Variants in RNF180 observed in about 807,000 individuals in gnomAD.
RNF180 encodes ring finger protein 180, also known as E3 ubiquitin-protein ligase RNF180.
Under a neutral mutation model 59.2 loss-of-function variants are expected in RNF180, and 38 were observed. The observed-to-expected ratio is 0.64, with a 90% CI of 0.50 to 0.84. RNF180 has a LOEUF of 0.84. RNF180 is among the 40% of genes least tolerant of loss of function. The pLI, the probability that RNF180 is intolerant of heterozygous loss-of-function variation, is 0.00. For synonymous variants in RNF180, 262 were observed against 240.3 expected (o/e 1.09, Z -0.84); for missense variants, 705 against 700.9 (o/e 1.01, Z -0.07).
Position 64,213,880 on chromosome 5 carries a change from A to T in RNF180, c.554A>T (p.Glu185Val), listed in dbSNP as rs779685935. The change falls in exon 4 of 8, where the codon GAG (glutamate) becomes GTG (valine). Residue 185 changes from glutamate to valine, a missense_variant. By Grantham distance (121) the Glu-to-Val change is moderately radical (BLOSUM62 -2). Coordinates refer to ENST00000389100, the MANE Select transcript of RNF180 (RefSeq NM_001113561.2). ...AGATTAACAGAAGCACTCTGCCTGG[A>T]GGTGCGACCAACATATTTTGAGATG... ...PGRLTEALCLEVRPTYFEMKN... is the reference protein window; with the variant it reads ...PGRLTEALCLVVRPTYFEMKN... The T allele has an allele frequency of 2.5e-6, 4 of 1,613,998 alleles. No individual in the cohort carries two copies. In the African/African-American group the frequency reaches 5.3e-5, roughly 22 times the overall value.
chr5:64,319,373 A>G (rs1053629221), intron 5 of RNF180, among the ~76,000 whole-genome samples: 1 of 152,246 alleles, frequency 6.6e-6, no homozygotes, highest in Admixed American at 6.5e-5. Flanking sequence ...GATGTACTAT[A>G]CATTATACTA....
At chr5:64,189,522 C>T in intron 1 of RNF180, among the ~76,000 whole-genome samples, 1 of 152,058 alleles carries the variant, frequency 6.6e-6, no homozygotes, top group Non-Finnish European at 1.5e-5. Context: ...TATTCTAGTG[C>T]TTTGTGGAAG....
intron 5 of RNF180, among the ~76,000 whole-genome samples, chr5:64,221,689 A>G (rs1481963734): frequency 6.6e-6 from 1 of 152,188 alleles, no homozygotes; most frequent in African/African-American, 2.4e-5. Flanking sequence ...ATGATTGATA[A>G]TGCCTTTACC....
At chr5:64,262,485 G>A (rs1051837454) in intron 5 of RNF180, among the ~76,000 whole-genome samples, 5 of 152,062 alleles carry the variant, frequency 3.3e-5, no homozygotes, top group East Asian at 1.9e-4. Context: ...TTGATCACCC[G>A]TCTCTTTTAC....
chr5:64,329,033 T>C (rs1744777224), intron 6 of RNF180, among the ~76,000 whole-genome samples: 1 of 152,232 alleles, frequency 6.6e-6, no homozygotes, highest in South Asian at 2.1e-4. Flanking sequence ...TGTTCTCCAG[T>C]TGGTCTGTGT....
intron 5 of RNF180, among the ~76,000 whole-genome samples, chr5:64,306,149 A>C (rs1743439444): frequency 6.6e-6 from 1 of 151,712 alleles, no homozygotes; most frequent in Non-Finnish European, 1.5e-5. Flanking sequence ...AAAAGAGCTA[A>C]GCTAAATAAA....
At chr5:64,322,160 G>T (rs985797960) in intron 5 of RNF180, among the ~76,000 whole-genome samples, 1 of 152,056 alleles carries the variant, frequency 6.6e-6, no homozygotes, top group Admixed American at 6.5e-5. Flanking sequence ...TGATAAATAG[G>T]ATCTAATTAA....
At chr5:64,259,909 A>C in intron 5 of RNF180, among the ~76,000 whole-genome samples, 1 of 152,160 alleles carries the variant, frequency 6.6e-6, no homozygotes, top group South Asian at 2.1e-4. Context: ...CAACAAGAGC[A>C]AAACTCCGTC....
Position 64,198,764 on chromosome 5 carries a change from G to A in RNF180, c.1-2044G>A, listed in dbSNP as rs541440302. ...GAAGAATACTAAAGAAGTTAAGTGT[G>A]TTCGTGCTTCAACAATGAAGAAAGG... On this transcript the variant is annotated intron_variant, in intron 1 of 7. Coordinates refer to ENST00000389100, the MANE Select transcript of RNF180 (RefSeq NM_001113561.2). Among the ~76,000 whole-genome samples, 12 of 152,248 alleles carry A rather than the reference G, an allele frequency of 7.9e-5. No homozygotes were observed. The East Asian group carries it at 1.7e-3, about 22-fold the overall frequency.
At chr5:64,265,141 G>T (rs1370107685) in intron 5 of RNF180, among the ~76,000 whole-genome samples, 1 of 151,934 alleles carries the variant, frequency 6.6e-6, no homozygotes, top group Admixed American at 6.6e-5. Context: ...CTGTCAGATG[G>T]GTAGATTGCA....
At chr5:64,337,288 C>T (rs1397421131) in intron 7 of RNF180, among the ~76,000 whole-genome samples, 1 of 152,096 alleles carries the variant, frequency 6.6e-6, no homozygotes, top group Non-Finnish European at 1.5e-5. Context: ...GGATTACAGG[C>T]ATGAGCCACC....
At chr5:64,173,411 AT>A (rs1158244737) in intron 1 of RNF180, among the ~76,000 whole-genome samples, 1 of 152,160 alleles carries the variant, frequency 6.6e-6, no homozygotes, top group Non-Finnish European at 1.5e-5. Flanking sequence ...ATACATGTAT[AT>A]GTTGTATGAT....
chr5:64,339,631 G>C (rs1339183860), intron 7 of RNF180, among the ~76,000 whole-genome samples: 1 of 151,820 alleles, frequency 6.6e-6, no homozygotes, highest in African/African-American at 2.4e-5. Context: ...GGTGGAAAGG[G>C]GGATCTTATG....
At chr5:64,243,306 C>T (rs553114015) in intron 5 of RNF180, among the ~76,000 whole-genome samples, 74 of 152,276 alleles carry the variant, frequency 4.9e-4, no homozygotes, top group African/African-American at 1.7e-3. Context: ...GTGGATCCCA[C>T]CCCCATGGAG....
intron 5 of RNF180, among the ~76,000 whole-genome samples, chr5:64,226,401 T>G (rs962022514): frequency 6.6e-6 from 1 of 152,208 alleles, no homozygotes; most frequent in Non-Finnish European, 1.5e-5. Context: ...CTGTGTCAAC[T>G]CAGGGTTAAA....
At chr5:64,302,252 G>A (rs1239418388) in intron 5 of RNF180, among the ~76,000 whole-genome samples, 3 of 151,604 alleles carry the variant, frequency 2.0e-5, no homozygotes, top group Non-Finnish European at 3.0e-5. Context: ...GCACACAAAA[G>A]TCGCTGGTCA....
Position 64,215,868 on chromosome 5 carries a change from A to T in RNF180, c.1191+1351A>T, listed in dbSNP as rs182245429. ...TATATGCAGATAACATCTGCAATTT[A>T]AAAATGTGTTTAATTCTTAGGCTAG... On this transcript the variant is annotated intron_variant, in intron 4 of 7. Coordinates refer to ENST00000389100, the MANE Select transcript of RNF180 (RefSeq NM_001113561.2). 6.5e-3 allele frequency among the ~76,000 whole-genome samples: 984 copies of T among 152,312 alleles called. 16 individuals carry two copies. The highest frequency in any genetic ancestry group is 6.1e-3 in the Non-Finnish European group (417 of 67,996).
chr5:64,230,209 T>A (rs551142744), intron 5 of RNF180, among the ~76,000 whole-genome samples: 9 of 152,238 alleles, frequency 5.9e-5, no homozygotes, highest in Non-Finnish European at 1.2e-4. Flanking sequence ...ACTAGCACTC[T>A]CTGTGTACTT....
At position 64,213,877 on chromosome 5, in the gene RNF180, T is replaced by A; in HGVS notation, c.551T>A (p.Leu184Gln). The change falls in exon 4 of 8, where the codon CTG becomes CAG. Residue 184 changes from leucine (L) to glutamine (Q), a missense_variant. Leu to Gln is a moderately radical substitution (Grantham distance 113). Coordinates refer to ENST00000389100, the MANE Select transcript of RNF180 (RefSeq NM_001113561.2). ...GGAAGATTAACAGAAGCACTCTGCC[T>A]GGAGGTGCGACCAACATATTTTGAG... ...DPGRLTEALCLEVRPTYFEMK... is the reference protein window; with the variant it reads ...DPGRLTEALCQEVRPTYFEMK... 2 of 1,614,120 alleles carry A rather than the reference T, an allele frequency of 1.2e-6. No individual in the cohort carries two copies. Among genetic ancestry groups the A allele is most frequent in the African/African-American group, 2.7e-5 (2 of 75,056 alleles).
Sources: allele counts gnomAD v4.1 joint callset (sites outside exome capture counted in the v4.1 genomes callset), GRCh38; gene constraint gnomAD v4.1.1; transcripts MANE v1.5; gene names NCBI Gene and HGNC (gene_info 2026-07-23, HGNC 2026-07-21).